The following MYO9A variants were observed in gnomAD, a reference collection of about 807,000 sequenced individuals.
MYO9A encodes myosin IXA.
A neutral mutation model predicts 293.3 loss-of-function variants in MYO9A; 103 were observed. That is an observed-to-expected ratio of 0.35 (90% CI 0.30 to 0.41). The LOEUF (loss-of-function observed/expected upper bound fraction) is 0.41, where lower values mean the gene tolerates loss of function less well. MYO9A is among the 10% of genes least tolerant of loss of function. MYO9A has a pLI of 1.00. For synonymous variants in MYO9A, 1,001 were observed against 1,035.7 expected, an observed-to-expected ratio of 0.97 and a Z score of 0.64; for missense variants, 2,685 against 3,033.0, an observed-to-expected ratio of 0.89 and a Z score of 2.69.
intron 1 of MYO9A, 42 bp downstream of exon 1, chr15:72,117,633 GGGCCA>G: frequency 2.5e-6 from 1 of 394,940 alleles, no homozygotes. Flanking sequence ...GCTGAGACGT[GGGCCA>G]GGACGGGCTG....
intron 12 of MYO9A, among the ~76,000 whole-genome samples, chr15:71,975,961 C>T (rs1342782720): frequency 2.0e-5 from 3 of 152,176 alleles, no homozygotes; most frequent in Non-Finnish European, 4.4e-5. Context: ...CCCCACACCT[C>T]GTCCTACGCA....
intron 36 of MYO9A, 141 bp from the exon 37 acceptor site, chr15:71,851,499 C>G: frequency 1.8e-6 from 1 of 545,612 alleles, no homozygotes; most frequent in Non-Finnish European, 3.2e-6. Flanking sequence ...AAGAGCAACT[C>G]ACAGTAACTA....
chr15:71,970,233 C>T (rs1462999151), intron 12 of MYO9A, among the ~76,000 whole-genome samples: 1 of 152,186 alleles, frequency 6.6e-6, no homozygotes, highest in Non-Finnish European at 1.5e-5. Flanking sequence ...CTATTCCTAA[C>T]ATCCTATTCA....
chr15:71,941,492 C>T (rs1043278236), intron 15 of MYO9A, among the ~76,000 whole-genome samples: 2 of 151,912 alleles, frequency 1.3e-5, no homozygotes, highest in Non-Finnish European at 2.9e-5. Flanking sequence ...CCCATTTGTT[C>T]GAATTAGCAA....
At position 72,024,153 on chromosome 15, in the gene MYO9A, AT is replaced by A. The variant is rs567797562; in HGVS notation, c.999-3137del. Among the ~76,000 whole-genome samples the A allele has an allele frequency of 1.6e-3, 248 of 152,358 alleles. 1 individual carries two copies. The Middle Eastern group carries it at 0.024, about 15-fold the overall frequency. ...CAGCTATAGATGGTCCTTACAAGAA[AT>A]ACTAAAGGGAGTTCATTTTTCTGAC... On this transcript the variant is annotated intron_variant, in intron 4 of 41. Coordinates refer to ENST00000356056, the MANE Select transcript of MYO9A (RefSeq NM_006901.4).
At chr15:71,966,192 T>C (rs1238478493) in intron 13 of MYO9A, among the ~76,000 whole-genome samples, 1 of 151,814 alleles carries the variant, frequency 6.6e-6, no homozygotes, top group African/African-American at 2.4e-5. Context: ...AGAAATAATA[T>C]ACACCAGCTT....
intron 16 of MYO9A, among the ~76,000 whole-genome samples, chr15:71,936,987 A>G (rs886944995): frequency 6.9e-6 from 1 of 144,324 alleles, no homozygotes; most frequent in Non-Finnish European, 1.5e-5. Flanking sequence ...AGTGAGAGGA[A>G]GGAAGGAAGC....
In MYO9A at chr15:71,886,501, T is replaced by G. The variant is rs367698373; in HGVS notation, c.5255+1503A>C. 4.0e-3 allele frequency among the ~76,000 whole-genome samples: 613 copies of G among 152,238 alleles called. 46 individuals are homozygous for G. The South Asian group carries it at 0.12, about 30-fold the overall frequency. ...TCCAAATATGTGCCCCAGCCCTCAA[T>G]TGTATCTAGTAAACTCCAGGTCCAG... On this transcript the variant is annotated intron_variant, in intron 27 of 41. Coordinates refer to ENST00000356056, the MANE Select transcript of MYO9A (RefSeq NM_006901.4).
At chr15:72,032,365 A>T in intron 3 of MYO9A, 129 bp downstream of exon 3, 1 of 563,162 alleles carries the variant, frequency 1.8e-6, no homozygotes, top group Non-Finnish European at 2.8e-6. Context: ...AAACTAAAAA[A>T]AGTTGACAGG....
chr15:71,829,196 C>G (rs1448516746), intron 40 of MYO9A, among the ~76,000 whole-genome samples: 2 of 152,204 alleles, frequency 1.3e-5, no homozygotes, highest in Admixed American at 6.5e-5. Context: ...AGCCCCTGGT[C>G]AATGTACATC....
At chr15:71,843,742 C>T (rs768608277) in intron 39 of MYO9A, among the ~76,000 whole-genome samples, 4 of 152,170 alleles carry the variant, frequency 2.6e-5, no homozygotes, top group Non-Finnish European at 5.9e-5. Flanking sequence ...CTCGGCCTCC[C>T]GAAGTTCTGG....
At chr15:71,978,452 A>AT (rs1255270849) in intron 11 of MYO9A, among the ~76,000 whole-genome samples, 160 bp from the exon 12 acceptor site, 1 of 152,226 alleles carries the variant, frequency 6.6e-6, no homozygotes, top group African/African-American at 2.4e-5. Flanking sequence ...ACAAATCTTA[A>AT]TACAACGTAT....
intron 17 of MYO9A, among the ~76,000 whole-genome samples, chr15:71,933,948 C>T (rs756051856): frequency 2.6e-4 from 39 of 152,040 alleles, no homozygotes; most frequent in African/African-American, 8.4e-4. Flanking sequence ...AGATTTACAC[C>T]TGATGATTAG....
At chr15:71,854,285 T>C (rs1024263466) in intron 35 of MYO9A, 92 bp downstream of exon 35, 2 of 1,052,044 alleles carry the variant, frequency 1.9e-6, no homozygotes, top group Non-Finnish European at 2.6e-6. Context: ...GGCTGCTAAG[T>C]AAAGGATTGA....
chr15:72,060,386 T>C (rs2078844749), intron 1 of MYO9A, among the ~76,000 whole-genome samples: 2 of 151,288 alleles, frequency 1.3e-5, no homozygotes, highest in South Asian at 4.2e-4. Context: ...CTAGTCTTAT[T>C]AGAAAATAAA....
At chr15:71,865,564 T>A (rs1216541000) in intron 32 of MYO9A, among the ~76,000 whole-genome samples, 3 of 152,140 alleles carry the variant, frequency 2.0e-5, no homozygotes, top group African/African-American at 4.8e-5. Flanking sequence ...AGGCCATATA[T>A]ATGATTATTT....
intron 1 of MYO9A, among the ~76,000 whole-genome samples, chr15:72,077,624 G>A (rs938120677): frequency 8.6e-5 from 13 of 151,182 alleles, no homozygotes; most frequent in Admixed American, 1.3e-4. Context: ...CCGGGGTGAC[G>A]GCAGGGTGGT....
At chr15:72,041,948 G>C (rs2078238870) in intron 2 of MYO9A, among the ~76,000 whole-genome samples, 1 of 147,358 alleles carries the variant, frequency 6.8e-6, no homozygotes, top group Admixed American at 6.8e-5. Flanking sequence ...TTGAAACCTT[G>C]TTTAAAATTC....
intron 14 of MYO9A, among the ~76,000 whole-genome samples, chr15:71,956,352 A>ATATATATATATATATATATAT (rs1346560683): frequency 1.5e-5 from 1 of 64,912 alleles, no homozygotes; most frequent in African/African-American, 5.0e-5. Flanking sequence ...TATATATATA[A>ATATATATATATATATATATAT]AATACGCCCA....
Sources: allele counts gnomAD v4.1 joint callset (sites outside exome capture counted in the v4.1 genomes callset), GRCh38; gene constraint gnomAD v4.1.1; transcripts MANE v1.5; gene names NCBI Gene and HGNC (gene_info 2026-07-23, HGNC 2026-07-21).